The following NPAS3 variants were observed in gnomAD, a reference collection of about 807,000 sequenced individuals.
NPAS3 encodes neuronal PAS domain protein 3.
A neutral mutation model predicts 73.1 loss-of-function variants in NPAS3; 14 were observed. The ratio of observed to expected loss-of-function variants is 0.19; its 90% confidence interval spans 0.13 to 0.30. The LOEUF (loss-of-function observed/expected upper bound fraction) is 0.30, where lower values mean the gene tolerates loss of function less well. Ranked by LOEUF, NPAS3 falls within the 10% of genes least tolerant of loss-of-function variation. The pLI is 1.00. For synonymous variants in NPAS3, 620 were observed against 541.5 expected (o/e 1.14, Z -2.01); for missense variants, 1,096 against 1,250.0 (o/e 0.88, Z 1.86).
chr14:33,180,624 C>A (rs1232181839), intron 2 of NPAS3, among the ~76,000 whole-genome samples: 2 of 151,650 alleles, frequency 1.3e-5, no homozygotes, highest in South Asian at 4.2e-4. Flanking sequence ...ACGGTGAAAC[C>A]CCATCTGTAT....
At chr14:33,004,817 C>G (rs12050411) in intron 1 of NPAS3, among the ~76,000 whole-genome samples, 3 of 63,998 alleles carry the variant, frequency 4.7e-5, no homozygotes, top group African/African-American at 1.3e-4. Flanking sequence ...AAAAGTTTTC[C>G]TTTTTTTTTT....
At chr14:33,708,538 T>G (rs997010581) in intron 6 of NPAS3, among the ~76,000 whole-genome samples, 3 of 152,162 alleles carry the variant, frequency 2.0e-5, no homozygotes, top group Non-Finnish European at 4.4e-5. Context: ...AGAAAGAGGT[T>G]AATTGTGGGG....
At chr14:33,014,133 C>A (rs1216537137) in intron 1 of NPAS3, among the ~76,000 whole-genome samples, 1 of 151,986 alleles carries the variant, frequency 6.6e-6, no homozygotes, top group African/African-American at 2.4e-5. Context: ...AAAAATTATT[C>A]TCATAATCTC....
intron 2 of NPAS3, among the ~76,000 whole-genome samples, chr14:33,119,768 A>G (rs2043175395): frequency 6.6e-6 from 1 of 152,090 alleles, no homozygotes; most frequent in Admixed American, 6.6e-5. Context: ...CTACTCCCGC[A>G]TTACATTTCT....
intron 3 of NPAS3, among the ~76,000 whole-genome samples, chr14:33,259,613 A>AG (rs1433718606): frequency 2.0e-5 from 3 of 152,166 alleles, no homozygotes; most frequent in African/African-American, 7.2e-5. Context: ...AAATATTTTG[A>AG]GGGGGAGACA....
chr14:33,271,206 T>C (rs1407834713), intron 3 of NPAS3, among the ~76,000 whole-genome samples: 1 of 152,218 alleles, frequency 6.6e-6, no homozygotes, highest in Non-Finnish European at 1.5e-5. Context: ...CGATTCTTCT[T>C]GGCCTCTCTG....
At chr14:33,559,109 G>A (rs2055507989) in intron 4 of NPAS3, among the ~76,000 whole-genome samples, 1 of 152,058 alleles carries the variant, frequency 6.6e-6, no homozygotes, top group African/African-American at 2.4e-5. Context: ...AGTGGACTGA[G>A]GTTTTAGGAG....
chr14:33,190,427 G>A (rs934923884), intron 2 of NPAS3, among the ~76,000 whole-genome samples: 2 of 152,214 alleles, frequency 1.3e-5, no homozygotes, highest in Admixed American at 1.3e-4. Flanking sequence ...AGCTTTTAGA[G>A]GCTAGGGTGA....
At chr14:33,690,452 A>G (rs556811287) in intron 6 of NPAS3, among the ~76,000 whole-genome samples, 1 of 152,286 alleles carries the variant, frequency 6.6e-6, no homozygotes, top group South Asian at 2.1e-4. Context: ...GTCACTGCCA[A>G]CCTGGACAAA....
rs1173937100 is a variant in NPAS3, at chr14:33,800,394, G to A, written c.2087G>A (p.Gly696Asp). The A allele has an allele frequency of 6.2e-7, 1 of 1,605,172 alleles. No homozygotes were observed. Residue 696 changes from glycine to aspartate, a missense_variant, in exon 12 of 12, where the codon GGC (glycine) becomes GAC (aspartate). Transcript: ENST00000356141. This position sits in a 1 kb window ranked among gnomAD's most constrained non-coding sequence, Gnocchi z 6.5. Reference sequence around the variant, plus strand: ...TCTGAGCACTTCCCGTCCCCGCAGGGCGGCGGCGGTGGGGGTGGCGGTGGC... The same window carrying A: ...TCTGAGCACTTCCCGTCCCCGCAGGACGGCGGCGGTGGGGGTGGCGGTGGC...
chr14:33,409,639 A>C (rs2047830166), intron 4 of NPAS3, among the ~76,000 whole-genome samples: 1 of 152,218 alleles, frequency 6.6e-6, no homozygotes, highest in African/African-American at 2.4e-5. Context: ...ATTTGAGAGT[A>C]GAAAGAAAGT....
intron 4 of NPAS3, among the ~76,000 whole-genome samples, chr14:33,442,730 A>G (rs1300639669): frequency 1.3e-5 from 2 of 152,262 alleles, no homozygotes; most frequent in Non-Finnish European, 2.9e-5. Context: ...CTGTGAGTCA[A>G]TTAAACATCT....
At chr14:33,711,035 T>C (rs2060804067) in intron 6 of NPAS3, among the ~76,000 whole-genome samples, 1 of 152,168 alleles carries the variant, frequency 6.6e-6, no homozygotes, top group African/African-American at 2.4e-5. Flanking sequence ...CAAGCGCAGG[T>C]TTCCAACTCT....
chr14:33,208,412 A>G (rs2046910077), intron 2 of NPAS3, among the ~76,000 whole-genome samples: 1 of 152,198 alleles, frequency 6.6e-6, no homozygotes, highest in Non-Finnish European at 1.5e-5. Flanking sequence ...TTTAATTATT[A>G]AGTTCAAACA....
chr14:33,451,056 A>C (rs1296065223), intron 4 of NPAS3, among the ~76,000 whole-genome samples: 1 of 152,224 alleles, frequency 6.6e-6, no homozygotes, highest in Non-Finnish European at 1.5e-5. Context: ...ATTGTGGATC[A>C]AATTGTTTAT....
At chr14:33,288,009 A>T (rs2041948554) in intron 3 of NPAS3, among the ~76,000 whole-genome samples, 5 of 151,294 alleles carry the variant, frequency 3.3e-5, no homozygotes, top group Admixed American at 2.6e-4. Flanking sequence ...TCTTAGTTGC[A>T]CTATCTAGTA....
intron 4 of NPAS3, among the ~76,000 whole-genome samples, chr14:33,486,453 T>G (rs10129619): frequency 0.11 from 16,506 of 152,110 alleles, 3,018 homozygotes; most frequent in African/African-American, 0.37. Flanking sequence ...CTCAAATCAC[T>G]TATCTTACCA....
intron 3 of NPAS3, among the ~76,000 whole-genome samples, chr14:33,222,704 G>A (rs1204922423): frequency 1.3e-5 from 2 of 152,114 alleles, no homozygotes; most frequent in African/African-American, 4.8e-5. Context: ...ATGAAAGTAA[G>A]TATTTAACTA....
At chr14:33,488,500 T>C (rs927661103) in intron 4 of NPAS3, among the ~76,000 whole-genome samples, 55 of 152,256 alleles carry the variant, frequency 3.6e-4, no homozygotes, top group African/African-American at 1.2e-3. Context: ...CCCCAAAATC[T>C]CATTTTAGGA....
Sources: allele counts gnomAD v4.1 joint callset (sites outside exome capture counted in the v4.1 genomes callset), GRCh38; gene constraint gnomAD v4.1.1; non-coding constraint Gnocchi (gnomAD v3.1); transcripts MANE v1.5; gene names NCBI Gene and HGNC (gene_info 2026-07-23, HGNC 2026-07-21).